The following COG5 variants were observed in gnomAD, a reference collection of about 807,000 sequenced individuals.
COG5 encodes the protein component of oligomeric golgi complex 5.
Under a neutral mutation model 110.4 loss-of-function variants are expected in COG5, and 86 were observed. The ratio of observed to expected loss-of-function variants is 0.78; its 90% CI spans 0.65 to 0.93. COG5 has a LOEUF of 0.93. Ranked by LOEUF, COG5 falls within the 40% of genes least tolerant of loss-of-function variation. The pLI, the probability that COG5 is intolerant of heterozygous loss-of-function variation, is 0.00. For synonymous variants in COG5, 360 were observed against 334.6 expected, an observed-to-expected ratio of 1.08 and a Z score of -0.83; for missense variants, 1,077 against 987.0, an observed-to-expected ratio of 1.09 and a Z score of -1.22.
At chr7:107,541,523 A>AAAAAAAAAAAAATATAT (rs60423657) in intron 5 of COG5, among the ~76,000 whole-genome samples, 2 of 57,024 alleles carry the variant, frequency 3.5e-5, no homozygotes, top group African/African-American at 6.7e-5. Flanking sequence ...AAAAAAAAAA[A>AAAAAAAAAAAAATATAT]ATATATATAT....
intron 11 of COG5, among the ~76,000 whole-genome samples, chr7:107,316,457 T>C (rs888300313): frequency 1.3e-5 from 2 of 152,056 alleles, no homozygotes; most frequent in African/African-American, 4.8e-5. Context: ...ACATTAATTG[T>C]CCTAATGACC....
chr7:107,373,486 T>C (rs550609577), intron 7 of COG5, among the ~76,000 whole-genome samples: 1 of 152,270 alleles, frequency 6.6e-6, no homozygotes, highest in East Asian at 1.9e-4. Context: ...GACTTGAATA[T>C]ACTGAGGGAG....
intron 1 of COG5, among the ~76,000 whole-genome samples, chr7:107,559,118 G>T: frequency 6.6e-6 from 1 of 151,806 alleles, no homozygotes; most frequent in East Asian, 1.9e-4. Flanking sequence ...GTAACAATAG[G>T]AAATATAAAT....
intron 11 of COG5, among the ~76,000 whole-genome samples, chr7:107,321,752 C>T (rs1177557082): frequency 6.6e-6 from 1 of 152,058 alleles, no homozygotes; most frequent in Non-Finnish European, 1.5e-5. Flanking sequence ...TTAACTCAAA[C>T]CTAGTAAAAC....
rs557046652 is a variant in COG5, at chr7:107,260,402, T to C, written c.1576-2019A>G. 6.2e-4 allele frequency among the ~76,000 whole-genome samples: 94 copies of C among 152,238 alleles called. 1 individual carries two copies. The highest frequency in any genetic ancestry group is 1.4e-3 in the African/African-American group (57 of 41,566). ...TACATGGGCAAAAGTTGATTGGAAA[T>C]TGCAGTGGGGCAGTGGGGTATATGA... On this transcript the variant is annotated intron_variant, in intron 14 of 21. Coordinates refer to ENST00000297135, the MANE Select transcript of COG5 (RefSeq NM_006348.5).
intron 6 of COG5, among the ~76,000 whole-genome samples, chr7:107,491,889 G>T (rs1317536352): frequency 1.3e-5 from 2 of 152,118 alleles, no homozygotes; most frequent in Non-Finnish European, 2.9e-5. Flanking sequence ...CCTGTAGCCA[G>T]ATCTGTGATA....
intron 5 of COG5, among the ~76,000 whole-genome samples, chr7:107,544,106 C>T (rs1371835165): frequency 6.6e-6 from 1 of 152,124 alleles, no homozygotes; most frequent in Non-Finnish European, 1.5e-5. Flanking sequence ...GACCCAGAGT[C>T]CAGGCTTATT....
intron 11 of COG5, among the ~76,000 whole-genome samples, chr7:107,314,336 A>G (rs775047136): frequency 2.6e-5 from 4 of 152,174 alleles, no homozygotes; most frequent in Non-Finnish European, 5.9e-5. Flanking sequence ...GCTGTACTTG[A>G]TCTTAGTTAT....
At chr7:107,468,212 C>G (rs1796417267) in intron 6 of COG5, among the ~76,000 whole-genome samples, 1 of 152,180 alleles carries the variant, frequency 6.6e-6, no homozygotes, top group South Asian at 2.1e-4. Context: ...GCTAACTTAC[C>G]TTGACCCTTT....
At chr7:107,267,891 T>C (rs1048918189) in intron 14 of COG5, among the ~76,000 whole-genome samples, 3 of 152,216 alleles carry the variant, frequency 2.0e-5, no homozygotes, top group Non-Finnish European at 2.9e-5. Flanking sequence ...TCCCCACCTC[T>C]ATTTTTAAAA....
intron 6 of COG5, among the ~76,000 whole-genome samples, chr7:107,443,630 C>T (rs1431309892): frequency 2.0e-5 from 3 of 151,904 alleles, no homozygotes; most frequent in Non-Finnish European, 4.4e-5. Context: ...CTAATAAAAA[C>T]TAAAAATGTA....
In COG5 at chr7:107,256,788, A is replaced by G. The variant is rs748394361; in HGVS notation, c.1693T>C (p.Ser565Pro). Residue 565 changes from serine (S) to proline (P), a missense_variant, in exon 16 of 22, where the codon TCC (serine) becomes CCC (proline). Ser to Pro is a moderately conservative substitution (Grantham distance 74). Coordinates refer to ENST00000297135, the MANE Select transcript of COG5 (RefSeq NM_006348.5). ...KLHQSVTKVV[S>P]SQSSFPLAAE... is the part of the protein sequence containing the mutation. Reference sequence around the variant, plus strand: ...GCCAGTGGGAATGAGCTCTGACTGGAAACAACCTAGAACAAGGTTTTGATC... The same window carrying G: ...GCCAGTGGGAATGAGCTCTGACTGGGAACAACCTAGAACAAGGTTTTGATC... The G allele has an allele frequency of 3.7e-6, 6 of 1,609,292 alleles. No individual in the cohort carries two copies. The South Asian group carries it at 6.6e-5, about 18-fold the overall frequency.
At chr7:107,250,365 A>G (rs1341787872) in intron 16 of COG5, among the ~76,000 whole-genome samples, 2 of 152,132 alleles carry the variant, frequency 1.3e-5, no homozygotes, top group African/African-American at 4.8e-5. Flanking sequence ...GGCCAACTGA[A>G]GGTATGACAG....
chr7:107,351,620 A>C (rs563724649), intron 10 of COG5, among the ~76,000 whole-genome samples: 39 of 152,316 alleles, frequency 2.6e-4, no homozygotes, highest in African/African-American at 9.1e-4. Context: ...CAAGAAAAAA[A>C]ACAAACAACC....
chr7:107,486,418 A>T (rs939824596), intron 6 of COG5, among the ~76,000 whole-genome samples: 2 of 152,160 alleles, frequency 1.3e-5, no homozygotes, highest in Non-Finnish European at 2.9e-5. Flanking sequence ...CATAATATAT[A>T]ACAGAAAACA....
At chr7:107,327,030 A>T (rs1191127856) in intron 10 of COG5, among the ~76,000 whole-genome samples, 1 of 152,034 alleles carries the variant, frequency 6.6e-6, no homozygotes, top group African/African-American at 2.4e-5. Flanking sequence ...AATAAAACCC[A>T]TCCAAATGGA....
Position 107,385,805 on chromosome 7 carries a change from CTT to C in COG5, c.670-13047_670-13046del, listed in dbSNP as rs57758483. On this transcript the variant is annotated intron_variant, in intron 7 of 21. Transcript: ENST00000297135. ...CATCCTTGCCAACGCTTGTTATTTT[CTT>C]TTTTTTTTTTTTTTTTGATGGACAC... Among the ~76,000 whole-genome samples, 286 of 122,224 alleles carry C rather than the reference CTT, an allele frequency of 2.3e-3. 1 individual carries two copies. Among genetic ancestry groups the C allele is most frequent in the African/African-American group, 6.7e-3 (223 of 33,194 alleles). The allele number at this position is 122,224 out of a possible 152,430, so 80.2% of individuals were successfully genotyped here.
intron 6 of COG5, among the ~76,000 whole-genome samples, chr7:107,518,570 T>C (rs1800108899): frequency 6.6e-6 from 1 of 152,192 alleles, no homozygotes; most frequent in Non-Finnish European, 1.5e-5. Context: ...AGAAGGTCAT[T>C]ATATAATCAT....
chr7:107,214,314 C>CT (rs1799369809), intron 19 of COG5, among the ~76,000 whole-genome samples: 1 of 151,976 alleles, frequency 6.6e-6, no homozygotes, highest in African/African-American at 2.4e-5. Flanking sequence ...CAGCAAAAAC[C>CT]CTGCAGGGCA....
Sources: allele counts gnomAD v4.1 joint callset (sites outside exome capture counted in the v4.1 genomes callset), GRCh38; gene constraint gnomAD v4.1.1; transcripts MANE v1.5; gene names NCBI Gene and HGNC (gene_info 2026-07-23, HGNC 2026-07-21).